The following SLC25A21 variants were observed in gnomAD, a reference collection of about 807,000 sequenced individuals.
The protein encoded by SLC25A21 is mitochondrial 2-oxodicarboxylate carrier.
A neutral mutation model predicts 43.8 loss-of-function variants in SLC25A21; 47 were observed. The observed-to-expected ratio is 1.07, with a 90% CI of 0.85 to 1.37. The LOEUF is 1.37. Among genes scored for constraint, SLC25A21 ranks in the 40% most tolerant of loss-of-function variants. The pLI is 0.00. For missense variants in SLC25A21, 352 were observed against 350.2 expected, an observed-to-expected ratio of 1.00 and a Z score of -0.04; for synonymous variants, 131 against 121.3, an observed-to-expected ratio of 1.08 and a Z score of -0.52.
At chr14:36,913,558 G>A (rs540975369) in intron 1 of SLC25A21, among the ~76,000 whole-genome samples, 1 of 152,176 alleles carries the variant, frequency 6.6e-6, no homozygotes, top group Non-Finnish European at 1.5e-5. Flanking sequence ...TTACAGGTGT[G>A]AGCCACCACA....
intron 3 of SLC25A21, among the ~76,000 whole-genome samples, chr14:36,797,705 T>G (rs540328597): frequency 6.6e-6 from 1 of 152,100 alleles, no homozygotes; most frequent in African/African-American, 2.4e-5. Flanking sequence ...AGGGAGTGAG[T>G]AGTGGGACAA....
intron 3 of SLC25A21, among the ~76,000 whole-genome samples, chr14:36,778,340 T>G (rs772646649): frequency 5.3e-5 from 8 of 152,220 alleles, no homozygotes; most frequent in Non-Finnish European, 1.0e-4. Flanking sequence ...TCCTCTATGC[T>G]ATTAATATAA....
rs373664768 is a variant in SLC25A21, at chr14:36,985,184, G to A, written c.71-110180C>T. On this transcript the variant is annotated intron_variant, in intron 1 of 9. Transcript: ENST00000331299. ...CACTCTGGGGACTGTTGTGGGATGG[G>A]GGGAGGGGGGAGGGATAGCATTGGG... Among the ~76,000 whole-genome samples the A allele has an allele frequency of 2.1e-3, 299 of 144,888 alleles. 1 individual carries two copies. The highest frequency in any genetic ancestry group is 3.7e-3 in the Non-Finnish European group (248 of 66,312).
At chr14:36,888,325 A>T (rs1195603297) in intron 1 of SLC25A21, among the ~76,000 whole-genome samples, 1 of 152,134 alleles carries the variant, frequency 6.6e-6, no homozygotes, top group Non-Finnish European at 1.5e-5. Flanking sequence ...TTTAATAATA[A>T]AAATTATGAT....
chr14:36,772,332 TA>T (rs915319111), intron 3 of SLC25A21, among the ~76,000 whole-genome samples: 2 of 152,144 alleles, frequency 1.3e-5, no homozygotes, highest in Admixed American at 6.6e-5. Context: ...TCCTGAGACA[TA>T]AAAAAATCTC....
intron 3 of SLC25A21, among the ~76,000 whole-genome samples, chr14:36,742,728 A>G (rs1885322660): frequency 2.6e-5 from 4 of 152,202 alleles, no homozygotes; most frequent in Admixed American, 2.6e-4. Flanking sequence ...ATTCTAACAT[A>G]AAACTAACAA....
intron 1 of SLC25A21, among the ~76,000 whole-genome samples, chr14:36,968,434 G>A (rs1005515239): frequency 1.3e-5 from 2 of 152,156 alleles, no homozygotes; most frequent in African/African-American, 4.8e-5. Context: ...ATGGAATGGA[G>A]AGAGCCTGAG....
intron 1 of SLC25A21, among the ~76,000 whole-genome samples, chr14:37,077,319 T>A (rs542596158): frequency 6.6e-6 from 1 of 152,296 alleles, no homozygotes; most frequent in South Asian, 2.1e-4. Context: ...ATGTCTTGAT[T>A]TTCTAAACTT....
At chr14:36,902,463 ACG>A (rs1891422605) in intron 1 of SLC25A21, among the ~76,000 whole-genome samples, 1 of 150,422 alleles carries the variant, frequency 6.6e-6, no homozygotes, top group African/African-American at 2.5e-5. Context: ...ACACACACAC[ACG>A]AACTCTGAAA....
chr14:36,983,854 C>G (rs999537729), intron 1 of SLC25A21, among the ~76,000 whole-genome samples: 3 of 152,018 alleles, frequency 2.0e-5, no homozygotes, highest in Admixed American at 6.6e-5. Context: ...ATGGATGGAG[C>G]TGGAGGGCAT....
chr14:36,856,262 T>C (rs573335430), intron 2 of SLC25A21, among the ~76,000 whole-genome samples: 2 of 152,310 alleles, frequency 1.3e-5, no homozygotes, highest in East Asian at 3.9e-4. Context: ...AGGCGCTTTA[T>C]GACCCTAACC....
chr14:36,970,154 A>T (rs1168394780), intron 1 of SLC25A21, among the ~76,000 whole-genome samples: 1 of 152,206 alleles, frequency 6.6e-6, no homozygotes, highest in East Asian at 1.9e-4. Context: ...AAATTTAAAA[A>T]TATAGCTAGC....
At chr14:36,706,754 A>T (rs1328739777) in intron 7 of SLC25A21, among the ~76,000 whole-genome samples, 1 of 152,026 alleles carries the variant, frequency 6.6e-6, no homozygotes, top group Non-Finnish European at 1.5e-5. Context: ...CCTTTGGAAT[A>T]CTTCTCAAAT....
chr14:36,746,401 A>G (rs1227745887), intron 3 of SLC25A21, among the ~76,000 whole-genome samples: 1 of 152,138 alleles, frequency 6.6e-6, no homozygotes, highest in East Asian at 1.9e-4. Context: ...AACAATGGGT[A>G]CACATGGACA....
chr14:37,031,868 T>C (rs1961218319), intron 1 of SLC25A21, among the ~76,000 whole-genome samples: 1 of 152,196 alleles, frequency 6.6e-6, no homozygotes, highest in Non-Finnish European at 1.5e-5. Flanking sequence ...TCTTTCTTTT[T>C]CTTTGGGAAG....
At chr14:36,938,953 C>T (rs923579838) in intron 1 of SLC25A21, among the ~76,000 whole-genome samples, 1 of 152,142 alleles carries the variant, frequency 6.6e-6, no homozygotes, top group Admixed American at 6.6e-5. Flanking sequence ...TTGTTCACTA[C>T]TCTCAGCTTG....
At chr14:36,692,651 CAGA>C (rs1179239012) in intron 7 of SLC25A21, among the ~76,000 whole-genome samples, 2 of 152,112 alleles carry the variant, frequency 1.3e-5, no homozygotes, top group Non-Finnish European at 2.9e-5. Context: ...AGCGATATGC[CAGA>C]AGAAGGAGGT....
At chr14:36,909,860 T>C (rs750463907) in intron 1 of SLC25A21, among the ~76,000 whole-genome samples, 2 of 151,866 alleles carry the variant, frequency 1.3e-5, no homozygotes, top group Non-Finnish European at 2.9e-5. Context: ...AGGGAATATA[T>C]AGATTTTTTT....
intron 3 of SLC25A21, among the ~76,000 whole-genome samples, chr14:36,791,332 T>G (rs1887477377): frequency 1.3e-5 from 2 of 152,196 alleles, no homozygotes; most frequent in South Asian, 4.1e-4. Context: ...TATTCATTAC[T>G]TATTTCCTCT....
Sources: allele counts gnomAD v4.1 joint callset (sites outside exome capture counted in the v4.1 genomes callset), GRCh38; gene constraint gnomAD v4.1.1; transcripts MANE v1.5; gene names NCBI Gene and HGNC (gene_info 2026-07-23, HGNC 2026-07-21).